Variants in PRMT1 observed in about 807,000 individuals in gnomAD.
PRMT1 encodes the protein protein arginine N-methyltransferase 1.
Under a neutral mutation model 47.4 loss-of-function variants are expected in PRMT1, and 5 were observed. The observed-to-expected ratio is 0.11, with a 90% confidence interval of 0.06 to 0.22. The LOEUF is 0.22. PRMT1 is among the 10% of genes least tolerant of loss of function. PRMT1 has a pLI of 1.00. For missense variants in PRMT1, 249 were observed against 518.4 expected (o/e 0.48, Z 5.05); for synonymous variants, 227 against 204.6 (o/e 1.11, Z -0.94).
intron 1 of PRMT1, chr19:49,679,489 G>A: frequency 1.9e-6 from 1 of 514,162 alleles, no homozygotes; most frequent in Non-Finnish European, 3.8e-6. Context: ...TAGGATAGGG[G>A]TGTGTGTGTC....
Position 49,682,191 on chromosome 19 carries a change from C to T in PRMT1, c.349-5C>T. On this transcript the variant is annotated splice_polypyrimidine_tract_variant and splice_region_variant and intron_variant, in intron 4 of 10. Coordinates refer to ENST00000454376, the MANE Select transcript of PRMT1 (RefSeq NM_001536.6). Reference sequence around the variant, plus strand: ...TCTCACCCTCCCTTCTTCCTGGGCCCTCAGATCGAGTGTTCCAGTATCTCT... The same window carrying T: ...TCTCACCCTCCCTTCTTCCTGGGCCTTCAGATCGAGTGTTCCAGTATCTCT... The T allele has an allele frequency of 1.2e-6, 2 of 1,614,164 alleles. No homozygotes were observed. The highest frequency in any genetic ancestry group is 2.2e-5 in the East Asian group (1 of 44,886).
At chr19:49,677,634 G>C (rs1024958732) in intron 1 of PRMT1, 12 of 271,248 alleles carry the variant, frequency 4.4e-5, no homozygotes, top group Non-Finnish European at 6.2e-5. Context: ...CCAGTGGCCC[G>C]GCGGGCTCCA....
Position 49,684,748 on chromosome 19 carries a change from C to T in PRMT1, c.556-6C>T, listed in dbSNP as rs2082179401. 6.4e-7 allele frequency: 1 copy of T among 1,552,394 alleles called. No individual in the cohort carries two copies. The highest frequency in any genetic ancestry group is 8.7e-7 in the Non-Finnish European group (1 of 1,147,786). ...ACCCTTCATGCCTCGCCCTGCCCCT[C>T]TGTAGGCGCCCGATGGCCTCATCTT... On this transcript the variant is annotated splice_polypyrimidine_tract_variant and splice_region_variant and intron_variant, in intron 6 of 10. Coordinates refer to ENST00000454376, the MANE Select transcript of PRMT1 (RefSeq NM_001536.6). The surrounding 1 kb of genome is among the most constrained non-coding windows in gnomAD (Gnocchi z 6.2).
chr19:49,685,290 G>T lies in PRMT1; in HGVS notation c.759+253G>T. On this transcript the variant is annotated intron_variant, in intron 8 of 10. Transcript: ENST00000454376. This position sits in a 1 kb window ranked among gnomAD's most constrained non-coding sequence, Gnocchi z 4.7. ...GAAACACCCAAAGCTGGCAGCTAAA[G>T]CCCACAGCCCATGCACGGAAAGGCA... 3 of 1,418,396 alleles carry T rather than the reference G, an allele frequency of 2.1e-6. No homozygotes were observed. The highest frequency in any genetic ancestry group is 2.8e-6 in the Non-Finnish European group (3 of 1,083,174). 87.9% of individuals were successfully genotyped at this position (1,418,396 alleles called of 1,614,324 possible). A position where few individuals can be genotyped will look rare whatever the true frequency, so the allele number is the denominator to read the frequency against.
In PRMT1 at chr19:49,685,067, C is replaced by A. The variant is rs749702505; in HGVS notation, c.759+30C>A. 1.2e-6 allele frequency: 2 copies of A among 1,613,906 alleles called. No homozygotes were observed. Among genetic ancestry groups the A allele is most frequent in the Non-Finnish European group, 1.7e-6 (2 of 1,179,892 alleles). ...GGGGGTGGGCATGGCCAGGTGCCCC[C>A]TGGGTTGAAACCAAAGAGAGGCCAT... On this transcript the variant is annotated intron_variant, in intron 8 of 10. Transcript: ENST00000454376. This position sits in a 1 kb window ranked among gnomAD's most constrained non-coding sequence, Gnocchi z 4.7.
rs1208737807 is a variant in PRMT1 at position 49,688,008 on chromosome 19, G to T, written c.1033-154G>T. 1.4e-6 allele frequency: 1 copy of T among 722,340 alleles called. No homozygotes were observed. The highest frequency in any genetic ancestry group is 2.5e-6 in the Non-Finnish European group (1 of 404,090). The allele number at this position is 722,340 out of a possible 1,614,324, so 44.7% of individuals were successfully genotyped here. On this transcript the variant is annotated intron_variant, in intron 10 of 10. Coordinates refer to ENST00000454376, the MANE Select transcript of PRMT1 (RefSeq NM_001536.6). This position sits in a 1 kb window ranked among gnomAD's most constrained non-coding sequence, Gnocchi z 5.3. ...TGGTGCTGTCCCTTGGCAGGGTCAG[G>T]GCAGCTGCTAGGGTGGGACCAGCAG...
At chr19:49,677,206 G>T (rs1473107987), upstream of PRMT1, 2 of 1,356,090 alleles carry the variant, frequency 1.5e-6, no homozygotes, top group Non-Finnish European at 1.9e-6. Flanking sequence ...GGACCCTCTG[G>T]TATAAGGCGG....
Position 49,686,146 on chromosome 19 carries a change from C to T in PRMT1, c.813C>T (p.Phe271=). Residue 271 remains phenylalanine, a synonymous_variant, in exon 9 of 11, where the codon TTC becomes TTT. Coordinates refer to ENST00000454376, the MANE Select transcript of PRMT1 (RefSeq NM_001536.6). The part of the protein sequence containing the change: ...KVEDLTFTSP[F]CLQVKRNDYV... ...AAGACCTGACCTTCACCTCCCCGTT[C>T]TGCCTGCAAGTGAAGCGGAATGACT... 6.2e-7 allele frequency: 1 copy of T among 1,614,134 alleles called. No homozygotes were observed. Among genetic ancestry groups the T allele is most frequent in the Non-Finnish European group, 8.5e-7 (1 of 1,179,986 alleles).
rs2082237801 is a variant in PRMT1 at position 49,688,103 on chromosome 19, CCG to C, written c.1033-57_1033-56del. On this transcript the variant is annotated intron_variant, in intron 10 of 10. Transcript: ENST00000454376. This position sits in a 1 kb window ranked among gnomAD's most constrained non-coding sequence, Gnocchi z 5.3. ...TCATCGTCGCATAGCCTGCCTGCAC[CCG>C]CCCCCCGCCACCACCTCCTGGTGGG... 4.1e-6 allele frequency: 6 copies of C among 1,468,418 alleles called. 1 individual carries two copies. Among genetic ancestry groups the C allele is most frequent in the African/African-American group, 1.5e-5 (1 of 67,428 alleles). The allele number at this position is 1,468,418 out of a possible 1,614,324, so 91.0% of individuals were successfully genotyped here.
intron 1 of PRMT1, 48 bp from the exon 2 acceptor site, chr19:49,679,824 A>G: frequency 2.7e-6 from 4 of 1,490,856 alleles, no homozygotes; most frequent in Non-Finnish European, 3.7e-6. Context: ...CAGCCCTCCC[A>G]CAGCCACTCC....
chr19:49,682,234 C>A lies in PRMT1; in HGVS notation c.387C>A (p.Ile129=). 2 of 1,613,700 alleles carry A rather than the reference C, an allele frequency of 1.2e-6. No homozygotes were observed. The highest frequency in any genetic ancestry group is 1.7e-6 in the Non-Finnish European group (2 of 1,180,006). ...CSSISDYAVK[I]VKANKLDHVV... ...GTATCTCTGATTATGCGGTGAAGAT[C>A]GTCAAAGCCAACAAGTTAGACCACG... Residue 129 remains isoleucine, a synonymous_variant, in exon 5 of 11, where the codon ATC becomes ATA. Transcript: ENST00000454376.
At position 49,684,759 on chromosome 19, in the gene PRMT1, C is replaced by T. The variant is rs541149307; in HGVS notation, c.561C>T (p.Pro187=). The change falls in exon 7 of 11, where the codon CCC becomes CCT. Residue 187 remains proline, a synonymous_variant. Transcript: ENST00000454376. This position sits in a 1 kb window ranked among gnomAD's most constrained non-coding sequence, Gnocchi z 6.2. ...VLYARDKWLA[P]DGLIFPDRAT... Reference sequence around the variant, plus strand: ...CTCGCCCTGCCCCTCTGTAGGCGCCCGATGGCCTCATCTTCCCAGACCGGG... The same window carrying T: ...CTCGCCCTGCCCCTCTGTAGGCGCCTGATGGCCTCATCTTCCCAGACCGGG... 138 of 1,555,230 alleles carry T rather than the reference C, an allele frequency of 8.9e-5. No individual in the cohort carries two copies. Among genetic ancestry groups the T allele is most frequent in the Middle Eastern group, 1.7e-4 (1 of 5,770 alleles).
chr19:49,686,037 A>AG (rs1321527687), intron 8 of PRMT1, 56 bp from the exon 9 acceptor site: 1 of 1,572,746 alleles, frequency 6.4e-7, no homozygotes, highest in Admixed American at 1.7e-5. Flanking sequence ...GGGAGGGAGG[A>AG]GGGGATGAAG....
rs757113172 is a variant in PRMT1, at chr19:49,680,599, A to T, written c.192+11A>T. 33 of 1,594,742 alleles carry T rather than the reference A, an allele frequency of 2.1e-5. 1 individual carries two copies. The highest frequency in any genetic ancestry group is 1.5e-4 in the South Asian group (14 of 90,698). On this transcript the variant is annotated intron_variant, in intron 3 of 10. Transcript: ENST00000454376. The surrounding 1 kb of genome is among the most constrained non-coding windows in gnomAD (Gnocchi z 4.2). Reference sequence around the variant, plus strand: ...TTTGGCATCCACGAGGTCAGTGGGGACAGTCCCCAAGGCCCCAATCTTAGG... The same window carrying T: ...TTTGGCATCCACGAGGTCAGTGGGGTCAGTCCCCAAGGCCCCAATCTTAGG...
intron 5 of PRMT1, chr19:49,683,708 A>G (rs916658577): frequency 6.4e-5 from 30 of 469,454 alleles, no homozygotes; most frequent in Middle Eastern, 1.2e-3. Flanking sequence ...AAAAAAAAAA[A>G]GTAACATCAC....
intron 1 of PRMT1, chr19:49,678,288 C>T (rs1020812485): frequency 4.6e-5 from 7 of 152,454 alleles, no homozygotes; most frequent in Middle Eastern, 3.4e-3. Context: ...AGATGACCTC[C>T]TTCTTCCTGA....
upstream of PRMT1, chr19:49,676,387 G>A (rs919509331): frequency 1.3e-5 from 2 of 152,252 alleles, no homozygotes; most frequent in African/African-American, 4.8e-5. Flanking sequence ...CGGAGGAAGT[G>A]GTGCCTAAGC....
In PRMT1 at chr19:49,680,686, T is replaced by G; in HGVS notation, c.192+98T>G. The G allele has an allele frequency of 7.1e-6, 7 of 991,312 alleles. No individual in the cohort carries two copies. The highest frequency in any genetic ancestry group is 2.6e-5 in the East Asian group (1 of 39,084). The allele number at this position is 991,312 out of a possible 1,614,324, so 61.4% of individuals were successfully genotyped here. A position where few individuals can be genotyped will look rare whatever the true frequency, so the allele number is the denominator to read the frequency against. On this transcript the variant is annotated intron_variant, in intron 3 of 10. Transcript: ENST00000454376. This position sits in a 1 kb window ranked among gnomAD's most constrained non-coding sequence, Gnocchi z 4.2. The stretch of plus-strand genomic sequence containing the variant: ...TCCCACGCATGCGCACTGCTTCCCC[T>G]GGCCGCAGGCCGCCCCCCTGCCCCT...
chr19:49,685,349 G>A lies in PRMT1; in HGVS notation c.759+312G>A, dbSNP rs760408049. 1.9e-5 allele frequency: 25 copies of A among 1,292,038 alleles called. No homozygotes were observed. The highest frequency in any genetic ancestry group is 1.1e-4 in the South Asian group (7 of 65,532). 80.0% of individuals were successfully genotyped at this position (1,292,038 alleles called of 1,614,324 possible). ...GGGCGATGAGCGGATGCACATGCAC[G>A]CGGGCCACTGCAGAAGAGCACGGGG... On this transcript the variant is annotated intron_variant, in intron 8 of 10. Transcript: ENST00000454376. This position sits in a 1 kb window ranked among gnomAD's most constrained non-coding sequence, Gnocchi z 4.7.
Sources: allele counts gnomAD v4.1 joint callset, GRCh38; gene constraint gnomAD v4.1.1; non-coding constraint Gnocchi (gnomAD v3.1); transcripts MANE v1.5; gene names NCBI Gene and HGNC (gene_info 2026-07-23, HGNC 2026-07-21).